COL22A1: variants seen among roughly 807,000 people sequenced by gnomAD.
The protein encoded by COL22A1 is collagen type XXII alpha 1 chain, also known as collagen alpha-1(XXII) chain.
Under a neutral mutation model 248.9 loss-of-function variants are expected in COL22A1, and 221 were observed. That is an observed-to-expected ratio of 0.89 (90% CI 0.80 to 0.99). COL22A1 has a LOEUF of 0.99. Ranked by LOEUF, COL22A1 falls within the 50% of genes least tolerant of loss-of-function variation. The pLI is 0.00. For synonymous variants in COL22A1, 891 were observed against 793.4 expected, an observed-to-expected ratio of 1.12 and a Z score of -2.07; for missense variants, 2,240 against 2,179.0, an observed-to-expected ratio of 1.03 and a Z score of -0.56.
At chr8:138,618,442 G>A (rs1401053928) in intron 53 of COL22A1, among the ~76,000 whole-genome samples, 1 of 152,112 alleles carries the variant, frequency 6.6e-6, no homozygotes, top group Non-Finnish European at 1.5e-5. Context: ...GGGTTTCCTG[G>A]CTGAAATGTA....
chr8:138,648,992 T>C (rs1822450968), intron 46 of COL22A1, among the ~76,000 whole-genome samples: 1 of 152,260 alleles, frequency 6.6e-6, no homozygotes, highest in Non-Finnish European at 1.5e-5. Context: ...CATTATATTC[T>C]AGTTTAAATG....
chr8:138,809,528 C>CTTTTTTTTTTTTTCTTTTT (rs71518485), intron 9 of COL22A1, among the ~76,000 whole-genome samples: 1 of 117,630 alleles, frequency 8.5e-6, no homozygotes. Flanking sequence ...TTTTCTTTTT[C>CTTTTTTTTTTTTTCTTTTT]TTTTTTTTTT....
At chr8:138,715,925 T>A (rs1026299263) in intron 29 of COL22A1, among the ~76,000 whole-genome samples, 190 bp from the exon 30 acceptor site, 4 of 152,120 alleles carry the variant, frequency 2.6e-5, no homozygotes, top group Non-Finnish European at 5.9e-5. Context: ...CAGTTAGGCG[T>A]GAAGCACCTC....
chr8:138,842,080 GT>G (rs1184838246), intron 4 of COL22A1, among the ~76,000 whole-genome samples: 2 of 152,182 alleles, frequency 1.3e-5, no homozygotes, highest in Non-Finnish European at 2.9e-5. Flanking sequence ...TGGCAAAACA[GT>G]GGCAAATGTG....
chr8:138,694,262 C>T (rs1305171778), intron 34 of COL22A1, among the ~76,000 whole-genome samples: 4 of 152,196 alleles, frequency 2.6e-5, no homozygotes, highest in African/African-American at 9.7e-5. Context: ...CTGCAGCTCA[C>T]CTACACCAAC....
intron 63 of COL22A1, among the ~76,000 whole-genome samples, chr8:138,592,987 G>C (rs988808199): frequency 2.0e-5 from 3 of 152,062 alleles, no homozygotes; most frequent in Non-Finnish European, 4.4e-5. Context: ...TCAATGATAG[G>C]CTGGATAAAG....
intron 12 of COL22A1, among the ~76,000 whole-genome samples, chr8:138,792,237 C>T (rs968007040): frequency 1.3e-5 from 2 of 152,168 alleles, no homozygotes; most frequent in Admixed American, 6.5e-5. Flanking sequence ...ACCTCTAGGC[C>T]CTTGTCTAGG....
Position 138,886,954 on chromosome 8 carries a change from A to G in COL22A1, c.-72-3710T>C, listed in dbSNP as rs1036971605. ...GAGTACATAGTGGGTGTATGTATTT[A>G]TGGGGTACATGAGATGTTTTGATAG... On this transcript the variant is annotated intron_variant, in intron 1 of 64. Transcript: ENST00000303045. 2.6e-5 allele frequency among the ~76,000 whole-genome samples: 4 copies of G among 151,990 alleles called. 1 individual carries two copies. The highest frequency in any genetic ancestry group is 2.6e-4 in the Admixed American group (4 of 15,258).
intron 61 of COL22A1, among the ~76,000 whole-genome samples, chr8:138,598,269 T>C (rs1336932529): frequency 2.0e-5 from 3 of 152,142 alleles, no homozygotes; most frequent in Admixed American, 1.3e-4. Context: ...GTACTCTAGG[T>C]CGGCAGATAC....
chr8:138,737,597 C>G lies in COL22A1; in HGVS notation c.2086-20G>C. The G allele has an allele frequency of 6.4e-7, 1 of 1,573,322 alleles. No individual in the cohort carries two copies. Among genetic ancestry groups the G allele is most frequent in the Non-Finnish European group, 8.7e-7 (1 of 1,143,686 alleles). Reference sequence around the variant, plus strand: ...CTTCCCCTGAGTGTAAAAGAAGAAGCTAAAATTAACAAGCAGGCAATTGTC... The same window carrying G: ...CTTCCCCTGAGTGTAAAAGAAGAAGGTAAAATTAACAAGCAGGCAATTGTC... On this transcript the variant is annotated intron_variant, in intron 22 of 64. Coordinates refer to ENST00000303045, the MANE Select transcript of COL22A1 (RefSeq NM_152888.3).
At chr8:138,766,248 C>T (rs1833901516) in intron 16 of COL22A1, among the ~76,000 whole-genome samples, 1 of 152,206 alleles carries the variant, frequency 6.6e-6, no homozygotes, top group African/African-American at 2.4e-5. Context: ...CCTCTGACTG[C>T]AGCTTAGGAC....
chr8:138,844,233 A>G, intron 3 of COL22A1, 75 bp from the exon 4 acceptor site: 1 of 1,332,770 alleles, frequency 7.5e-7, no homozygotes, highest in East Asian at 2.3e-5. Context: ...ATGACAGCAC[A>G]CAAGACCCCA....
rs984265714 is a variant in COL22A1 at position 138,710,068 on chromosome 8, A to T, written c.2517+5614T>A. ...GGGAGTTGAATCACCTGAGCTTGAAACCTAACTATACCATTTTATAAATTA... is the reference window on the plus strand; with the variant it reads ...GGGAGTTGAATCACCTGAGCTTGAATCCTAACTATACCATTTTATAAATTA... On this transcript the variant is annotated intron_variant, in intron 30 of 64. Transcript: ENST00000303045. Among the ~76,000 whole-genome samples, 8 of 152,086 alleles carry T rather than the reference A, an allele frequency of 5.3e-5. 1 individual carries two copies. Among genetic ancestry groups the T allele is most frequent in the Admixed American group, 5.2e-4 (8 of 15,274 alleles).
At chr8:138,896,089 G>C (rs1486921976) in intron 1 of COL22A1, among the ~76,000 whole-genome samples, 1 of 152,148 alleles carries the variant, frequency 6.6e-6, no homozygotes, top group Non-Finnish European at 1.5e-5. Context: ...AATCTCATAA[G>C]AAGGAAAACT....
At chr8:138,746,111 C>A (rs1205236292) in intron 22 of COL22A1, among the ~76,000 whole-genome samples, 1 of 152,210 alleles carries the variant, frequency 6.6e-6, no homozygotes, top group Non-Finnish European at 1.5e-5. Flanking sequence ...AAAATACCAG[C>A]TTTGTCCAAA....
At position 138,720,827 on chromosome 8, in the gene COL22A1, G is replaced by A. The variant is rs766215187; in HGVS notation, c.2302-35C>T. 1.1e-5 allele frequency: 17 copies of A among 1,523,888 alleles called. No individual in the cohort carries two copies. In the South Asian group the frequency reaches 1.6e-4, roughly 14 times the overall value. 94.4% of individuals were successfully genotyped at this position (1,523,888 alleles called of 1,614,324 possible). A position where few individuals can be genotyped will look rare whatever the true frequency, so the allele number is the denominator to read the frequency against. ...ATACAGAGCAAAGTTAACAGGAGAC[G>A]GGCCATGCTTGGATTAAACAACACA... On this transcript the variant is annotated intron_variant, in intron 26 of 64. Coordinates refer to ENST00000303045, the MANE Select transcript of COL22A1 (RefSeq NM_152888.3).
At chr8:138,649,862 T>C (rs1281695151) in intron 45 of COL22A1, 84 bp from the exon 46 acceptor site, 2 of 797,640 alleles carry the variant, frequency 2.5e-6, no homozygotes, top group Non-Finnish European at 2.0e-6. Flanking sequence ...CCCTGGCTGC[T>C]ATCTCTCCAG....
chr8:138,880,147 C>G (rs1824082250), intron 2 of COL22A1, among the ~76,000 whole-genome samples: 1 of 152,218 alleles, frequency 6.6e-6, no homozygotes, highest in Non-Finnish European at 1.5e-5. Flanking sequence ...AATACACAAT[C>G]ACCTATGTGG....
intron 17 of COL22A1, among the ~76,000 whole-genome samples, chr8:138,760,690 C>T (rs1833404471): frequency 6.6e-6 from 1 of 152,138 alleles, no homozygotes; most frequent in Non-Finnish European, 1.5e-5. Context: ...ACTGGTGAGG[C>T]ACCAGGGAAG....
Sources: allele counts gnomAD v4.1 joint callset (sites outside exome capture counted in the v4.1 genomes callset), GRCh38; gene constraint gnomAD v4.1.1; transcripts MANE v1.5; gene names NCBI Gene and HGNC (gene_info 2026-07-23, HGNC 2026-07-21).